ERC2: variants seen among roughly 807,000 people sequenced by gnomAD.
The protein encoded by ERC2 is ELKS/RAB6-interacting/CAST family member 2, also known as ERC protein 2.
ERC2 carries 42 observed loss-of-function variants against 114.8 expected under a neutral mutation model. The observed-to-expected ratio is 0.37, with a 90% CI of 0.29 to 0.47. The LOEUF (loss-of-function observed/expected upper bound fraction) is 0.47. ERC2 is among the 20% of genes least tolerant of loss of function. The probability of loss-of-function intolerance (pLI) is 0.99; values close to 1 mark genes in which losing one functional copy is unlikely to be tolerated. For synonymous variants in ERC2, 454 were observed against 425.5 expected (o/e 1.07, Z -0.82); for missense variants, 939 against 1,150.7 (o/e 0.82, Z 2.66).
In ERC2 at chr3:56,296,374, T is replaced by C. The variant is rs754681059; in HGVS notation, c.719A>G (p.His240Arg). 8 of 1,613,756 alleles carry C rather than the reference T, an allele frequency of 5.0e-6. No individual in the cohort carries two copies. The highest frequency in any genetic ancestry group is 6.8e-6 in the Non-Finnish European group (8 of 1,179,836). Residue 240 changes from histidine (H) to arginine (R), a missense_variant, in exon 3 of 18, where the codon CAC (histidine) becomes CGC (arginine). His to Arg is a conservative substitution (Grantham distance 29, BLOSUM62 0). This residue lies in a region of ERC2 where 281 missense variants were observed against 307.4 expected (regional missense o/e 0.91). Transcript: ENST00000288221. ...GTTGCCACTCTCTTGCTGGAGGAGG[T>C]GGTTGAGGTCTCTCTGGGTTCGCAG... is the stretch of plus-strand genomic sequence containing the variant. ...DELRTQRDLNHLLQQESGNRG... is the reference protein window; with the variant it reads ...DELRTQRDLNRLLQQESGNRG...
chr3:55,580,234 T>G (rs1315921959), intron 17 of ERC2, among the ~76,000 whole-genome samples: 1 of 150,552 alleles, frequency 6.6e-6, no homozygotes, highest in African/African-American at 2.4e-5. Context: ...GAAGCATATT[T>G]TTTTTTTTTT....
intron 3 of ERC2, among the ~76,000 whole-genome samples, chr3:56,183,895 A>G (rs2083435655): frequency 6.6e-6 from 1 of 152,116 alleles, no homozygotes; most frequent in Admixed American, 6.5e-5. Context: ...ATATAAAAAT[A>G]TCTTTATATT....
intron 14 of ERC2, among the ~76,000 whole-genome samples, chr3:55,869,479 T>C (rs945064402): frequency 5.3e-5 from 8 of 152,274 alleles, no homozygotes; most frequent in African/African-American, 1.9e-4. Context: ...CATTTGAATA[T>C]TTTTTTGATT....
At chr3:56,049,471 G>C (rs1316154458) in intron 7 of ERC2, among the ~76,000 whole-genome samples, 2 of 152,188 alleles carry the variant, frequency 1.3e-5, no homozygotes, top group African/African-American at 4.8e-5. Context: ...AGGATGCAAA[G>C]TATTGATCCT....
At chr3:55,511,735 A>G (rs1333528050) in intron 17 of ERC2, among the ~76,000 whole-genome samples, 1 of 152,212 alleles carries the variant, frequency 6.6e-6, no homozygotes, top group Non-Finnish European at 1.5e-5. Flanking sequence ...AGAACTTAGC[A>G]TGCACTTAAA....
intron 1 of ERC2, among the ~76,000 whole-genome samples, chr3:56,436,235 C>A (rs76427991): frequency 2.0e-5 from 3 of 152,142 alleles, no homozygotes; most frequent in African/African-American, 7.2e-5. Context: ...AGCTGAGTAA[C>A]CTTAGACAAA....
chr3:55,698,449 T>C (rs1393407596), intron 16 of ERC2, among the ~76,000 whole-genome samples: 2 of 152,104 alleles, frequency 1.3e-5, no homozygotes, highest in Non-Finnish European at 2.9e-5. Flanking sequence ...TTTCGGAGCA[T>C]CACAAGTACC....
At chr3:55,645,481 CT>C (rs2060355524) in intron 17 of ERC2, among the ~76,000 whole-genome samples, 1 of 152,186 alleles carries the variant, frequency 6.6e-6, no homozygotes, top group Non-Finnish European at 1.5e-5. Flanking sequence ...AACAAGTTAT[CT>C]TCTTTTGTTA....
intron 15 of ERC2, among the ~76,000 whole-genome samples, chr3:55,705,934 A>G (rs1559525815): frequency 6.6e-6 from 1 of 152,080 alleles, no homozygotes; most frequent in Non-Finnish European, 1.5e-5. Flanking sequence ...GTTCCACACC[A>G]GATCTTGTCT....
chr3:56,364,385 A>C (rs2059075111), intron 2 of ERC2, among the ~76,000 whole-genome samples: 1 of 152,232 alleles, frequency 6.6e-6, no homozygotes, highest in African/African-American at 2.4e-5. Flanking sequence ...AAATGGTTAA[A>C]AATTTTATGT....
At chr3:55,653,210 T>C (rs1022538903) in intron 17 of ERC2, among the ~76,000 whole-genome samples, 2 of 19,678 alleles carry the variant, frequency 1.0e-4, no homozygotes, top group Non-Finnish European at 2.4e-4. Flanking sequence ...ACACCATACA[T>C]ATATATTTTA....
intron 3 of ERC2, among the ~76,000 whole-genome samples, chr3:56,198,457 T>A (rs1196514152): frequency 6.6e-6 from 1 of 151,722 alleles, no homozygotes; most frequent in Non-Finnish European, 1.5e-5. Context: ...AGGGAGGAGG[T>A]CAGAGGAGAC....
At chr3:56,040,580 C>CATATGTATATGTAT in intron 7 of ERC2, among the ~76,000 whole-genome samples, 1 of 74,570 alleles carries the variant, frequency 1.3e-5, no homozygotes, top group Non-Finnish European at 2.6e-5. Flanking sequence ...TATATGTATA[C>CATATGTATATGTAT]ATATACATAT....
intron 4 of ERC2, among the ~76,000 whole-genome samples, chr3:56,171,509 A>G (rs1415104611): frequency 2.0e-5 from 3 of 152,208 alleles, no homozygotes; most frequent in African/African-American, 7.2e-5. Context: ...AAAAATACAA[A>G]TGCCTCATGC....
chr3:56,202,364 A>G (rs1038099262), intron 3 of ERC2, among the ~76,000 whole-genome samples: 1 of 152,194 alleles, frequency 6.6e-6, no homozygotes, highest in Non-Finnish European at 1.5e-5. Flanking sequence ...AAATTTAATT[A>G]TAATGATTTT....
chr3:55,977,455 T>C (rs983811666), intron 12 of ERC2, among the ~76,000 whole-genome samples: 2 of 152,084 alleles, frequency 1.3e-5, no homozygotes, highest in African/African-American at 2.4e-5. Context: ...TAAAAGAATA[T>C]GACAAAGTAT....
intron 13 of ERC2, 115 bp downstream of exon 13, chr3:55,950,310 C>A: frequency 1.5e-6 from 2 of 1,344,296 alleles, no homozygotes; most frequent in Non-Finnish European, 1.0e-6. Context: ...GTGCTAGACT[C>A]AGGGCAAAGG....
chr3:56,336,269 G>A (rs1028775902), intron 2 of ERC2, among the ~76,000 whole-genome samples: 1 of 152,152 alleles, frequency 6.6e-6, no homozygotes, highest in African/African-American at 2.4e-5. Flanking sequence ...TTCTATGCAC[G>A]GGATTATTAG....
intron 17 of ERC2, 77 bp downstream of exon 17, chr3:55,683,717 G>T (rs1367193054): frequency 3.5e-6 from 4 of 1,151,198 alleles, no homozygotes; most frequent in Non-Finnish European, 5.0e-6. Flanking sequence ...ACATCAGCGA[G>T]CACAATCGAG....
Sources: allele counts gnomAD v4.1 joint callset (sites outside exome capture counted in the v4.1 genomes callset), GRCh38; gene constraint gnomAD v4.1.1; regional missense constraint gnomAD v4.1.1; transcripts MANE v1.5; gene names NCBI Gene and HGNC (gene_info 2026-07-23, HGNC 2026-07-21).